LYSET: variants seen among roughly 807,000 people sequenced by gnomAD.
The protein encoded by LYSET is GNPTAB cleavage and activity factor.
chr14:93,187,498 A>G, the LYSET span, among the ~76,000 whole-genome samples: 1 of 152,150 alleles, frequency 6.6e-6, no homozygotes, highest in Non-Finnish European at 1.5e-5. Flanking sequence ...CGTACGCTCC[A>G]ATGCTACTGA....
At chr14:93,186,149 G>C in the LYSET span, 1 of 1,075,160 alleles carries the variant, frequency 9.3e-7, no homozygotes, top group Non-Finnish European at 1.3e-6. Context: ...GATTACAGGC[G>C]CGAGCCACCG....
the LYSET span, among the ~76,000 whole-genome samples, chr14:93,185,970 G>C: frequency 6.6e-6 from 1 of 151,084 alleles, no homozygotes; most frequent in East Asian, 1.9e-4. Flanking sequence ...CTGGGTTCAC[G>C]CCATTCTCCT....
At chr14:93,188,037 C>A in the LYSET span, among the ~76,000 whole-genome samples, 2 of 151,948 alleles carry the variant, frequency 1.3e-5, no homozygotes, top group African/African-American at 4.8e-5. Flanking sequence ...CAGCTCACTG[C>A]AACCTCCACC....
the LYSET span, chr14:93,186,146 G>T: frequency 9.7e-7 from 1 of 1,027,184 alleles, no homozygotes; most frequent in Non-Finnish European, 1.4e-6. Context: ...TGGGATTACA[G>T]GCGCGAGCCA....
chr14:93,185,391 TTGGC>T, the LYSET span: 1 of 1,611,564 alleles, frequency 6.2e-7, no homozygotes, highest in Non-Finnish European at 8.5e-7. Context: ...TTATTTTATG[TTGGC>T]TTTCTCTGAA....
chr14:93,187,435 A>C, the LYSET span, among the ~76,000 whole-genome samples: 3 of 151,896 alleles, frequency 2.0e-5, no homozygotes, highest in Non-Finnish European at 4.4e-5. Context: ...TTTTTAATTA[A>C]AAAAATTTTT....
At chr14:93,186,862 T>A in the LYSET span, 4 of 529,676 alleles carry the variant, frequency 7.6e-6, no homozygotes, top group Non-Finnish European at 1.3e-5. Context: ...GATAGAGTAC[T>A]ACAAAATCAT....
chr14:93,187,544 A>G, the LYSET span, among the ~76,000 whole-genome samples: 1 of 152,200 alleles, frequency 6.6e-6, no homozygotes, highest in Non-Finnish European at 1.5e-5. Context: ...TAAGTGTTAA[A>G]TGTTGAAAGG....
chr14:93,186,441 A>G, the LYSET span: 16 of 1,614,112 alleles, frequency 9.9e-6, no homozygotes, highest in African/African-American at 1.2e-4. Flanking sequence ...AACCACATGG[A>G]CACACTCCTT....
At chr14:93,185,220 C>A in the LYSET span, 3 of 351,318 alleles carry the variant, frequency 8.5e-6, no homozygotes, top group East Asian at 1.4e-4. Flanking sequence ...GTGGCGGGGA[C>A]GCCTCCCTGC....
chr14:93,186,324 C>CT, the LYSET span: 1 of 1,614,144 alleles, frequency 6.2e-7, no homozygotes, highest in East Asian at 2.2e-5. Flanking sequence ...GGGATTGTAT[C>CT]TGTTAGCCAG....
chr14:93,185,526 C>G, the LYSET span: 1 of 1,522,564 alleles, frequency 6.6e-7, no homozygotes, highest in Non-Finnish European at 9.1e-7. Flanking sequence ...GGGGGCTTGA[C>G]TTGTAGCACC....
chr14:93,185,592 G>A, the LYSET span: 4 of 942,480 alleles, frequency 4.2e-6, no homozygotes, highest in East Asian at 1.0e-4. Context: ...ACCTGTCAAA[G>A]TGAAATGTGC....
chr14:93,186,488 G>C, the LYSET span: 4 of 1,614,054 alleles, frequency 2.5e-6, no homozygotes, highest in Non-Finnish European at 3.4e-6. Flanking sequence ...TTTGGGTGTG[G>C]ACAGTTATTT....
At chr14:93,186,594 G>A in the LYSET span, 5 of 1,614,092 alleles carry the variant, frequency 3.1e-6, no homozygotes, top group Admixed American at 8.3e-5. Context: ...TATATGCTTG[G>A]CAGTTATTTG....
At chr14:93,188,293 G>A in the LYSET span, among the ~76,000 whole-genome samples, 1 of 152,148 alleles carries the variant, frequency 6.6e-6, no homozygotes, top group African/African-American at 2.4e-5. Flanking sequence ...TCAGATGCAT[G>A]AGACCCCTCT....
At chr14:93,186,760 A>C in the LYSET span, 91 of 1,388,276 alleles carry the variant, frequency 6.6e-5, no homozygotes, top group Non-Finnish European at 8.4e-5. Context: ...CACAGATCTC[A>C]GGAAGTTGTC....
the LYSET span, chr14:93,186,330 G>C: frequency 6.2e-7 from 1 of 1,614,216 alleles, no homozygotes; most frequent in Non-Finnish European, 8.5e-7. Flanking sequence ...GTATCTGTTA[G>C]CCAGTGCAGC....
chr14:93,185,362 G>C, the LYSET span: 2 of 1,599,086 alleles, frequency 1.3e-6, no homozygotes, highest in Non-Finnish European at 8.6e-7. Context: ...CTTTCTCCTA[G>C]CCGGGTGACC....
Sources: gnomAD v4.1 joint callset for allele counts (sites outside exome capture counted in the v4.1 genomes callset) on GRCh38, gnomAD v4.1.1 for gene constraint, MANE v1.5 for transcripts, NCBI Gene and HGNC (gene_info 2026-07-23, HGNC 2026-07-21) for gene names.